Variants in KCNMA1 observed in about 807,000 individuals in gnomAD.
The protein encoded by KCNMA1 is Calcium-activated potassium channel subunit alpha-1.
Under a neutral mutation model 140.0 loss-of-function variants are expected in KCNMA1, and 29 were observed. The observed-to-expected ratio is 0.21, with a 90% CI of 0.15 to 0.28. KCNMA1 has a LOEUF of 0.28. Among genes scored for constraint, KCNMA1 ranks in the 10% least tolerant of loss-of-function variants. The pLI is 1.00. For missense variants in KCNMA1, 880 were observed against 1,602.2 expected (o/e 0.55, Z 7.70); for synonymous variants, 612 against 611.9 (o/e 1.00, Z 0.00).
At chr10:77,114,461 C>T (rs1329202860) in intron 6 of KCNMA1, among the ~76,000 whole-genome samples, 2 of 152,250 alleles carry the variant, frequency 1.3e-5, no homozygotes, top group Admixed American at 1.3e-4. Context: ...GACATTCAAA[C>T]TCTCTCCTTC....
At chr10:77,488,769 A>G (rs1353371934) in intron 1 of KCNMA1, among the ~76,000 whole-genome samples, 1 of 152,050 alleles carries the variant, frequency 6.6e-6, no homozygotes, top group Non-Finnish European at 1.5e-5. Context: ...TCTGGAAACC[A>G]GTAGAAGTGC....
At chr10:77,199,510 T>A (rs989399219) in intron 3 of KCNMA1, among the ~76,000 whole-genome samples, 11 of 152,074 alleles carry the variant, frequency 7.2e-5, no homozygotes, top group African/African-American at 2.7e-4. Context: ...CCTCCTGAGG[T>A]TGTTGAGAGA....
chr10:76,883,908 G>T, downstream of KCNMA1: 3 of 645,218 alleles, frequency 4.6e-6, no homozygotes, highest in Non-Finnish European at 5.8e-6. Flanking sequence ...AGTAATTTTG[G>T]CAAATAAAAT....
At chr10:77,456,098 T>C (rs919158073) in intron 1 of KCNMA1, among the ~76,000 whole-genome samples, 1 of 152,162 alleles carries the variant, frequency 6.6e-6, no homozygotes, top group Non-Finnish European at 1.5e-5. Flanking sequence ...AGGAAGGCAC[T>C]CTTTGCCACC....
At chr10:77,592,324 C>T (rs1036721185) in intron 1 of KCNMA1, among the ~76,000 whole-genome samples, 1 of 152,024 alleles carries the variant, frequency 6.6e-6, no homozygotes, top group Non-Finnish European at 1.5e-5. Flanking sequence ...TGGGTACATG[C>T]AATGTGGGAC....
At position 77,604,925 on chromosome 10, in the gene KCNMA1, C is replaced by T. The variant is rs76689134; in HGVS notation, c.378+32340G>A. Among the ~76,000 whole-genome samples, 6 of 152,242 alleles carry T rather than the reference C, an allele frequency of 3.9e-5. No homozygotes were observed. The East Asian group carries it at 1.2e-3, about 29-fold the overall frequency. ...TTGTCAGGCAGCTTGGGCCACCCAC[C>T]ATATGCCGCTGCAGCCCATAAAGAC... On this transcript the variant is annotated intron_variant, in intron 1 of 27. Transcript: ENST00000286628.
Position 76,904,431 on chromosome 10 carries a change from A to AT in KCNMA1, c.3147+5534dup, listed in dbSNP as rs562366541. On this transcript the variant is annotated intron_variant, in intron 25 of 27. Coordinates refer to ENST00000286628, the MANE Select transcript of KCNMA1 (RefSeq NM_001161352.2). ...CGCATGGGTCTCTCCATAGGCTGGC[A>AT]TTCACGCTTCTCAGATGTATCGTAC... 113 of 152,376 alleles carry AT rather than the reference A, an allele frequency of 7.4e-4. 1 individual carries two copies. The highest frequency in any genetic ancestry group is 2.7e-3 in the African/African-American group (113 of 41,584). 9.4% of individuals were successfully genotyped at this position (152,376 alleles called of 1,614,324 possible).
chr10:77,202,059 C>T (rs1192687000), intron 3 of KCNMA1, among the ~76,000 whole-genome samples: 2 of 152,144 alleles, frequency 1.3e-5, no homozygotes, highest in Non-Finnish European at 2.9e-5. Context: ...AGTTATTCTC[C>T]TGTTTGGTTT....
intron 18 of KCNMA1, among the ~76,000 whole-genome samples, chr10:77,007,653 G>GTGTGTGTATATATACATATATATATATA: frequency 2.3e-5 from 2 of 88,482 alleles, no homozygotes; most frequent in Non-Finnish European, 4.7e-5. Context: ...TTGTGTGTGT[G>GTGTGTGTATATATACATATATATATATA]TATATATATA....
At chr10:77,263,439 A>G (rs1431154786) in intron 2 of KCNMA1, among the ~76,000 whole-genome samples, 1 of 152,194 alleles carries the variant, frequency 6.6e-6, no homozygotes, top group East Asian at 1.9e-4. Context: ...ACAAACACTC[A>G]ACAATTTCCT....
At chr10:77,127,071 AACACACACACACACACACAC>A (rs60249347) in intron 5 of KCNMA1, among the ~76,000 whole-genome samples, 60,254 of 146,278 alleles carry the variant, frequency 0.41, 12,899 homozygotes, top group Non-Finnish European at 0.48. Flanking sequence ...CACACACACA[AACACACACACACACACACAC>A]ACACACACAC....
At chr10:77,165,326 T>C (rs1174368029) in intron 5 of KCNMA1, among the ~76,000 whole-genome samples, 2 of 152,228 alleles carry the variant, frequency 1.3e-5, no homozygotes, top group East Asian at 1.9e-4. Flanking sequence ...TTCTGACACA[T>C]TGAAGTACAC....
chr10:76,976,333 T>C (rs1302217590), intron 19 of KCNMA1, among the ~76,000 whole-genome samples: 1 of 152,138 alleles, frequency 6.6e-6, no homozygotes, highest in African/African-American at 2.4e-5. Flanking sequence ...AATCACAGGG[T>C]GTATTTCTGG....
intron 1 of KCNMA1, among the ~76,000 whole-genome samples, chr10:77,444,637 C>G (rs757658120): frequency 4.6e-5 from 7 of 152,110 alleles, no homozygotes; most frequent in Non-Finnish European, 1.0e-4. Context: ...CATGTTGAGA[C>G]GGGGGCTGTC....
chr10:77,090,875 C>A (rs1343879388), intron 9 of KCNMA1: 7 of 318,450 alleles, frequency 2.2e-5, no homozygotes, highest in African/African-American at 1.3e-4. Flanking sequence ...TTTCTGCCCA[C>A]AAAGCGTCCT....
chr10:77,297,960 C>T (rs2075624798), intron 2 of KCNMA1, among the ~76,000 whole-genome samples: 1 of 152,182 alleles, frequency 6.6e-6, no homozygotes, highest in African/African-American at 2.4e-5. Context: ...CTGACTAAAC[C>T]TGGGGACAGC....
At chr10:77,492,611 A>G (rs573871413) in intron 1 of KCNMA1, among the ~76,000 whole-genome samples, 2 of 152,330 alleles carry the variant, frequency 1.3e-5, no homozygotes, top group African/African-American at 4.8e-5. Context: ...GTAGTGCTCT[A>G]AGCAAGACTA....
At chr10:76,964,446 C>G (rs751190362) in intron 20 of KCNMA1, among the ~76,000 whole-genome samples, 2 of 152,102 alleles carry the variant, frequency 1.3e-5, no homozygotes, top group African/African-American at 4.8e-5. Context: ...AGGTCATGAC[C>G]ATCTGCTGAG....
intron 21 of KCNMA1, 32 bp downstream of exon 21, chr10:76,953,769 G>C: frequency 1.2e-6 from 2 of 1,613,724 alleles, no homozygotes; most frequent in Non-Finnish European, 1.7e-6. Flanking sequence ...GGGCAGAAGC[G>C]GGCAACATCA....
Sources: allele counts gnomAD v4.1 joint callset (sites outside exome capture counted in the v4.1 genomes callset), GRCh38; gene constraint gnomAD v4.1.1; transcripts MANE v1.5; gene names NCBI Gene and HGNC (gene_info 2026-07-23, HGNC 2026-07-21).